The following IQCM variants were observed in gnomAD, a reference collection of about 807,000 sequenced individuals.
IQCM encodes the protein IQ motif containing M, also known as IQ domain-containing protein M.
Under a neutral mutation model 57.6 loss-of-function variants are expected in IQCM, and 45 were observed. The ratio of observed to expected loss-of-function variants is 0.78; its 90% CI spans 0.62 to 1.00. The LOEUF (loss-of-function observed/expected upper bound fraction) is 1.00, where lower values mean the gene tolerates loss of function less well. Ranked by LOEUF, IQCM falls within the 50% of genes least tolerant of loss-of-function variation. IQCM has a pLI of 0.00. For synonymous variants in IQCM, 148 were observed against 158.9 expected (o/e 0.93, Z 0.51); for missense variants, 468 against 511.6 (o/e 0.91, Z 0.82).
intron 13 of IQCM, among the ~76,000 whole-genome samples, chr4:149,383,858 C>T (rs1246412552): frequency 6.6e-6 from 1 of 151,990 alleles, no homozygotes; most frequent in Admixed American, 6.6e-5. Flanking sequence ...GAGGCTGAGG[C>T]AGGAGAATCA....
intron 2 of IQCM, among the ~76,000 whole-genome samples, chr4:149,764,577 A>G (rs1769858745): frequency 6.6e-6 from 1 of 152,122 alleles, no homozygotes; most frequent in East Asian, 1.9e-4. Flanking sequence ...CACATTTTGT[A>G]TGACTCCCCT....
chr4:149,726,420 A>G (rs903662142), intron 5 of IQCM, among the ~76,000 whole-genome samples: 12 of 151,778 alleles, frequency 7.9e-5, no homozygotes, highest in Admixed American at 2.6e-4. Context: ...CTAATGCATT[A>G]CTCCTTAATT....
At chr4:149,364,107 AC>A (rs1203297310) in intron 13 of IQCM, among the ~76,000 whole-genome samples, 1 of 152,188 alleles carries the variant, frequency 6.6e-6, no homozygotes, top group Admixed American at 6.6e-5. Context: ...GAACTGGAAG[AC>A]TGGAGAAGGA....
chr4:149,590,854 A>G (rs1753092049), intron 8 of IQCM, among the ~76,000 whole-genome samples: 1 of 151,900 alleles, frequency 6.6e-6, no homozygotes, highest in Non-Finnish European at 1.5e-5. Flanking sequence ...TATATTATTG[A>G]TGGGCATTTG....
At position 149,396,416 on chromosome 4, in the gene IQCM, T is replaced by C. The variant is rs201911326; in HGVS notation, c.1390+36980A>G. 2.0e-5 allele frequency among the ~76,000 whole-genome samples: 3 copies of C among 151,948 alleles called. No homozygotes were observed. In the East Asian group the frequency reaches 5.8e-4, roughly 29 times the overall value. ...GAAAAAAAATACTACTAGACACTGA[T>C]ATGCAGAAATTACCAGGACACAATT... On this transcript the variant is annotated intron_variant, in intron 13 of 13. Coordinates refer to ENST00000636793, the MANE Select transcript of IQCM (RefSeq NM_001363507.2).
intron 12 of IQCM, among the ~76,000 whole-genome samples, chr4:149,457,976 G>T (rs1033978931): frequency 6.6e-6 from 1 of 151,862 alleles, no homozygotes; most frequent in Non-Finnish European, 1.5e-5. Flanking sequence ...ATGCGAGAGG[G>T]GTGATGCTTT....
intron 8 of IQCM, among the ~76,000 whole-genome samples, chr4:149,609,361 G>T (rs559176277): frequency 6.6e-6 from 1 of 151,810 alleles, no homozygotes; most frequent in Non-Finnish European, 1.5e-5. Context: ...TTAAAAAATT[G>T]AGGAGAGAAT....
chr4:149,639,439 A>AAG (rs1554012983), intron 7 of IQCM, among the ~76,000 whole-genome samples: 4 of 151,504 alleles, frequency 2.6e-5, no homozygotes, highest in Admixed American at 6.6e-5. Flanking sequence ...AAAAAAAAAA[A>AAG]AAGAAGAAGA....
intron 2 of IQCM, among the ~76,000 whole-genome samples, chr4:149,813,524 C>A (rs1774784874): frequency 1.3e-5 from 2 of 152,044 alleles, no homozygotes; most frequent in South Asian, 4.1e-4. Context: ...ACAGATACCC[C>A]CAAATGCTCA....
intron 12 of IQCM, among the ~76,000 whole-genome samples, chr4:149,543,089 T>G (rs949588060): frequency 6.6e-6 from 1 of 152,120 alleles, no homozygotes; most frequent in Admixed American, 6.6e-5. Context: ...TCTAAATTAC[T>G]AACACTAGTC....
At chr4:149,452,133 A>T (rs1737184144) in intron 12 of IQCM, among the ~76,000 whole-genome samples, 1 of 151,726 alleles carries the variant, frequency 6.6e-6, no homozygotes, top group Admixed American at 6.6e-5. Flanking sequence ...TATAAATCAA[A>T]TAAAAGATAT....
At chr4:149,525,432 T>G (rs1746062235) in intron 12 of IQCM, among the ~76,000 whole-genome samples, 1 of 151,820 alleles carries the variant, frequency 6.6e-6, no homozygotes, top group Admixed American at 6.6e-5. Context: ...TACCAAAAAC[T>G]TTATAACAGA....
chr4:149,523,342 A>T (rs1390666914), intron 12 of IQCM, among the ~76,000 whole-genome samples: 1 of 152,182 alleles, frequency 6.6e-6, no homozygotes, highest in Non-Finnish European at 1.5e-5. Context: ...CATCAGACAA[A>T]GTATTGAATT....
intron 12 of IQCM, among the ~76,000 whole-genome samples, chr4:149,481,697 T>TTTTGTTTTTTTTTTTGTTTG (rs1740809711): frequency 2.1e-4 from 19 of 91,054 alleles, no homozygotes; most frequent in African/African-American, 7.0e-4. Flanking sequence ...ATTCTTCCAG[T>TTTTGTTTTTTTTTTTGTTTG]TTTGTTTTTT....
intron 13 of IQCM, among the ~76,000 whole-genome samples, chr4:149,366,203 A>C (rs1729823232): frequency 6.6e-6 from 1 of 152,104 alleles, no homozygotes. Context: ...ATACAAAAGA[A>C]AATATCATAG....
At chr4:149,592,405 G>A (rs1753283431) in intron 8 of IQCM, among the ~76,000 whole-genome samples, 1 of 152,044 alleles carries the variant, frequency 6.6e-6, no homozygotes, top group Non-Finnish European at 1.5e-5. Context: ...CATTCTGTAG[G>A]TTGTCTGTTC....
At chr4:149,562,168 T>C (rs1750187947) in intron 10 of IQCM, among the ~76,000 whole-genome samples, 1 of 152,122 alleles carries the variant, frequency 6.6e-6, no homozygotes, top group African/African-American at 2.4e-5. Flanking sequence ...TTCAAAAAGA[T>C]TGTAAGAAAT....
At chr4:149,745,188 G>A (rs1286586484) in intron 2 of IQCM, among the ~76,000 whole-genome samples, 1 of 152,130 alleles carries the variant, frequency 6.6e-6, no homozygotes, top group Non-Finnish European at 1.5e-5. Flanking sequence ...AGGCATGGAG[G>A]TGAGAATACT....
intron 13 of IQCM, among the ~76,000 whole-genome samples, chr4:149,388,870 A>T (rs1211551669): frequency 2.0e-5 from 3 of 150,582 alleles, no homozygotes; most frequent in African/African-American, 7.3e-5. Context: ...GTTCTTATAT[A>T]TTGAACACAA....
Sources: allele counts gnomAD v4.1 joint callset (sites outside exome capture counted in the v4.1 genomes callset), GRCh38; gene constraint gnomAD v4.1.1; transcripts MANE v1.5; gene names NCBI Gene and HGNC (gene_info 2026-07-23, HGNC 2026-07-21).